The following POGLUT3 variants were observed in gnomAD, a reference collection of about 807,000 sequenced individuals.
POGLUT3 encodes the protein protein O-glucosyltransferase 3.
In POGLUT3, 48 loss-of-function variants were observed where a neutral mutation model predicts 54.3. That is an observed-to-expected ratio of 0.88 (90% CI 0.70 to 1.12). The LOEUF is 1.12. POGLUT3 is among the 50% of genes most tolerant of loss of function. The probability of loss-of-function intolerance (pLI) is 0.00; values close to 1 mark genes in which losing one functional copy is unlikely to be tolerated. For synonymous variants in POGLUT3, 218 were observed against 237.4 expected, an observed-to-expected ratio of 0.92 and a Z score of 0.75; for missense variants, 629 against 618.7, an observed-to-expected ratio of 1.02 and a Z score of -0.18.
chr11:108,490,243 G>A (rs573982846), intron 2 of POGLUT3, among the ~76,000 whole-genome samples: 2 of 152,166 alleles, frequency 1.3e-5, no homozygotes, highest in Non-Finnish European at 2.9e-5. Flanking sequence ...TGTCACCCAG[G>A]CTGGAGTGCA....
chr11:108,486,287 C>A lies in POGLUT3; in HGVS notation c.554G>T (p.Arg185Met), dbSNP rs1323103621. Residue 185 changes from arginine to methionine, a missense_variant, in exon 3 of 8, where the codon AGG (arginine) becomes ATG (methionine). Arg to Met is a moderately conservative substitution (Grantham distance 91). Transcript: ENST00000323468. ...LQQMLKEVPK[R>M]FGDERGAIVH... ...AATGGCACCTCTCTCATCCCCAAACCTTTTGGGGACTTCTTTTAGCATTTG... is the reference window on the plus strand; with the variant it reads ...AATGGCACCTCTCTCATCCCCAAACATTTTGGGGACTTCTTTTAGCATTTG... The A allele has an allele frequency of 6.2e-7, 1 of 1,614,082 alleles. No homozygotes were observed. The highest frequency in any genetic ancestry group is 8.5e-7 in the Non-Finnish European group (1 of 1,180,008).
rs2093584497 is a variant in POGLUT3, at chr11:108,477,609, G to A, written c.1396C>T (p.Gln466Ter). The part of the protein sequence containing the change: ...RLYCYYYQVL[Q>*]KYAERQSSKP... The stretch of plus-strand genomic sequence containing the variant: ...GTGGACGGACACTCTGAACTGACCT[G>A]CAGTACTTGGTAATAGTAGCAGTAA... Residue 466 changes from glutamine (Q) to a stop codon, truncating the protein, a stop_gained and splice_region_variant, in exon 7 of 8, where the codon CAG (glutamine) becomes TAG (stop). Coordinates refer to ENST00000323468, the MANE Select transcript of POGLUT3 (RefSeq NM_153705.5). LOFTEE classifies it high-confidence loss of function. The A allele has an allele frequency of 1.3e-6, 2 of 1,593,186 alleles. No individual in the cohort carries two copies. The highest frequency in any genetic ancestry group is 2.7e-5 in the African/African-American group (2 of 74,532).
rs1169636966 is a variant in POGLUT3, at chr11:108,477,593, C to G, written c.1398+14G>C. On this transcript the variant is annotated intron_variant, in intron 7 of 7. Coordinates refer to ENST00000323468, the MANE Select transcript of POGLUT3 (RefSeq NM_153705.5). ...CACCCGACCCAGCAGTGTGGACGGA[C>G]ACTCTGAACTGACCTGCAGTACTTG... The G allele has an allele frequency of 6.6e-7, 1 of 1,520,486 alleles. No homozygotes were observed. The highest frequency in any genetic ancestry group is 1.1e-5 in the South Asian group (1 of 88,584). 94.2% of individuals were successfully genotyped at this position (1,520,486 alleles called of 1,614,324 possible).
Position 108,474,716 on chromosome 11 carries a change from C to T in POGLUT3, c.*111G>A. 7.9e-7 allele frequency: 1 copy of T among 1,273,674 alleles called. No individual in the cohort carries two copies. The highest frequency in any genetic ancestry group is 1.1e-6 in the Non-Finnish European group (1 of 909,940). The allele number at this position is 1,273,674 out of a possible 1,614,324, so 78.9% of individuals were successfully genotyped here. Reference sequence around the variant, plus strand: ...ATATCCATCTACATATATAAAGCCACCGGGAGAACTAGTCCACTTGGTGCA... The same window carrying T: ...ATATCCATCTACATATATAAAGCCATCGGGAGAACTAGTCCACTTGGTGCA... On this transcript the variant is annotated 3_prime_UTR_variant, in exon 8 of 8. Transcript: ENST00000323468.
chr11:108,479,124 AG>A (rs1463008765), intron 6 of POGLUT3, among the ~76,000 whole-genome samples, 176 bp downstream of exon 6: 5 of 152,212 alleles, frequency 3.3e-5, no homozygotes, highest in Non-Finnish European at 4.4e-5. Flanking sequence ...ATGTTGATAG[AG>A]GGTATGCAAA....
chr11:108,484,759 G>GCAAA (rs1323762030), intron 3 of POGLUT3, among the ~76,000 whole-genome samples: 74 of 151,960 alleles, frequency 4.9e-4, no homozygotes, highest in African/African-American at 1.3e-3. Flanking sequence ...CCATCTCAAA[G>GCAAA]CAAACAAACA....
chr11:108,481,047 T>C, intron 5 of POGLUT3, 133 bp downstream of exon 5: 2 of 668,626 alleles, frequency 3.0e-6, no homozygotes, highest in Non-Finnish European at 5.1e-6. Context: ...TAATTCCTGA[T>C]ATCTAATAAG....
chr11:108,497,104 T>C (rs1247121706), intron 1 of POGLUT3, among the ~76,000 whole-genome samples: 1 of 152,228 alleles, frequency 6.6e-6, no homozygotes, highest in Non-Finnish European at 1.5e-5. Context: ...TGATCAGTTA[T>C]TTGCATGTCT....
At chr11:108,496,447 T>G (rs1263673542) in intron 1 of POGLUT3, among the ~76,000 whole-genome samples, 2 of 152,214 alleles carry the variant, frequency 1.3e-5, no homozygotes, top group African/African-American at 2.4e-5. Context: ...ACGGGTTTGT[T>G]ATATGTCCAT....
chr11:108,490,978 A>G lies in POGLUT3; in HGVS notation c.392T>C (p.Ile131Thr), dbSNP rs1369157334. 2 of 1,613,644 alleles carry G rather than the reference A, an allele frequency of 1.2e-6. No individual in the cohort carries two copies. The highest frequency in any genetic ancestry group is 8.5e-7 in the Non-Finnish European group (1 of 1,179,582). Residue 131 changes from isoleucine (I) to threonine (T), a missense_variant, in exon 2 of 8, where the codon ATT becomes ACT. Transcript: ENST00000323468. ...GDEHVAQSPY[I>T]LKGPVYHEYC... ...ATATAATAATCACTTACCTTTCAAA[A>G]TATAGGGAGACTGAGCCACATGTTC... is the stretch of plus-strand genomic sequence containing the variant.
intron 2 of POGLUT3, chr11:108,486,642 A>ATCCCTCTCCCAATCTAACCTACTCTCGGT: frequency 1.8e-6 from 1 of 562,034 alleles, no homozygotes; most frequent in Non-Finnish European, 3.1e-6. Context: ...ACAGTTTAGT[A>ATCCCTCTCCCAATCTAACCTACTCTCGGT]TATGCCCTCT....
chr11:108,479,239 A>G, intron 6 of POGLUT3, 62 bp downstream of exon 6: 1 of 1,079,296 alleles, frequency 9.3e-7, no homozygotes, highest in Non-Finnish European at 1.3e-6. Flanking sequence ...ATTGTGATGG[A>G]ACTCATCTAA....
At chr11:108,480,569 G>C (rs552689166) in intron 5 of POGLUT3, among the ~76,000 whole-genome samples, 1 of 152,292 alleles carries the variant, frequency 6.6e-6, no homozygotes, top group East Asian at 1.9e-4. Flanking sequence ...CACACTCCCA[G>C]ATTTGGTAAA....
At chr11:108,492,264 T>C (rs2093614678) in intron 1 of POGLUT3, among the ~76,000 whole-genome samples, 1 of 152,212 alleles carries the variant, frequency 6.6e-6, no homozygotes, top group Non-Finnish European at 1.5e-5. Context: ...TTCCCTTTCC[T>C]ATTAGCTGAC....
intron 1 of POGLUT3, among the ~76,000 whole-genome samples, chr11:108,492,311 T>A (rs1478119976): frequency 6.6e-6 from 1 of 152,214 alleles, no homozygotes; most frequent in African/African-American, 2.4e-5. Context: ...TGATTAGTGT[T>A]ACTGTGGCCA....
intron 7 of POGLUT3, 83 bp from the exon 8 acceptor site, chr11:108,475,035 A>G: frequency 7.0e-7 from 1 of 1,435,038 alleles, no homozygotes; most frequent in Admixed American, 1.9e-5. Flanking sequence ...ATCCGCAGTC[A>G]CGCCATCTTT....
intron 2 of POGLUT3, among the ~76,000 whole-genome samples, chr11:108,489,962 C>T (rs1207668741): frequency 6.6e-6 from 1 of 151,974 alleles, no homozygotes; most frequent in Admixed American, 6.6e-5. Flanking sequence ...CACAGCTTAC[C>T]GCAGCCTCGA....
At chr11:108,494,092 T>C (rs1053112482) in intron 1 of POGLUT3, among the ~76,000 whole-genome samples, 7 of 152,330 alleles carry the variant, frequency 4.6e-5, no homozygotes, top group Middle Eastern at 3.4e-3. Context: ...GAGGTAGGTA[T>C]CTGTCACTCC....
chr11:108,489,583 C>A (rs1337580903), intron 2 of POGLUT3, among the ~76,000 whole-genome samples: 2 of 152,026 alleles, frequency 1.3e-5, no homozygotes, highest in African/African-American at 2.4e-5. Context: ...AGAAAAAAAA[C>A]CCATCAACCT....
Sources: allele counts gnomAD v4.1 joint callset (sites outside exome capture counted in the v4.1 genomes callset), GRCh38; gene constraint gnomAD v4.1.1; transcripts MANE v1.5; gene names NCBI Gene and HGNC (gene_info 2026-07-23, HGNC 2026-07-21).